The following CD207 variants were observed in gnomAD, a reference collection of about 807,000 sequenced individuals.
CD207 encodes the protein C-type lectin domain family 4 member K.
Under a neutral mutation model 31.6 loss-of-function variants are expected in CD207, and 28 were observed. The observed-to-expected ratio is 0.89, with a 90% CI of 0.66 to 1.21. The LOEUF is 1.21. CD207 is among the 50% of genes most tolerant of loss of function. CD207 has a pLI of 0.00. For missense variants in CD207, 388 were observed against 397.8 expected (o/e 0.98, Z 0.21); for synonymous variants, 168 against 153.9 (o/e 1.09, Z -0.68).
chr2:70,825,657 G>C (rs1056611330), downstream of CD207, among the ~76,000 whole-genome samples: 1 of 151,984 alleles, frequency 6.6e-6, no homozygotes, highest in Non-Finnish European at 1.5e-5. Context: ...TCCCACCTCA[G>C]ACTCTTGATT....
intron 3 of CD207, 86 bp downstream of exon 3, chr2:70,833,560 C>G: frequency 7.0e-7 from 1 of 1,423,890 alleles, no homozygotes; most frequent in Non-Finnish European, 9.3e-7. Context: ...CCTCCCCAAC[C>G]CACCAGCCCA....
At chr2:70,831,489 C>A (rs1220060374) in intron 5 of CD207, among the ~76,000 whole-genome samples, 2 of 152,202 alleles carry the variant, frequency 1.3e-5, no homozygotes, top group African/African-American at 2.4e-5. Context: ...AGGTAGAAGG[C>A]CTTGTTGCCA....
Position 70,831,822 on chromosome 2 carries a change from G to C in CD207, c.718-3C>G. 6.3e-7 allele frequency: 1 copy of C among 1,576,500 alleles called. No homozygotes were observed. The highest frequency in any genetic ancestry group is 8.7e-7 in the Non-Finnish European group (1 of 1,146,162). On this transcript the variant is annotated splice_polypyrimidine_tract_variant and splice_region_variant and intron_variant, in intron 4 of 5. Coordinates refer to ENST00000410009, the MANE Select transcript of CD207 (RefSeq NM_015717.5). ...CCCGCTGTTTTATACAGAAACTCCT[G>C]TAGGAAAGACAGGATAAGCAGAGGT...
At chr2:70,825,551 AT>A (rs71398932), downstream of CD207, among the ~76,000 whole-genome samples, 4 of 146,634 alleles carry the variant, frequency 2.7e-5, no homozygotes, top group South Asian at 2.1e-4. Flanking sequence ...TTTAAAAAAA[AT>A]TTTTGAGACA....
the CD207 span, among the ~76,000 whole-genome samples, chr2:70,825,176 A>T: frequency 2.0e-5 from 3 of 152,218 alleles, no homozygotes; most frequent in African/African-American, 4.8e-5. Flanking sequence ...GACAAATTCC[A>T]TTTAAGGGAC....
downstream of CD207, among the ~76,000 whole-genome samples, chr2:70,828,575 G>A (rs564960015): frequency 1.2e-3 from 190 of 152,314 alleles, no homozygotes; most frequent in African/African-American, 4.2e-3. Context: ...CTGGGAACGG[G>A]AGCAGCCGGA....
Position 70,835,500 on chromosome 2 carries a change from C to T in CD207, c.181G>A (p.Ala61Thr), listed in dbSNP as rs1484329235. The change falls in exon 2 of 6, where the codon GCC (alanine) becomes ACC (threonine). Residue 61 changes from alanine (A) to threonine (T), a missense_variant. By Grantham distance (58) the Ala-to-Thr change is moderately conservative (BLOSUM62 0). Transcript: ENST00000410009. ...LVLVASVLLQ[A>T]VLYPRFMGTI... is the part of the protein sequence containing the mutation. ...AAACATGAGGACTTACAAAGGACGG[C>T]CTGCAGCAGGACGGAGGCGACCAGG... 3.7e-6 allele frequency: 6 copies of T among 1,612,116 alleles called. No individual in the cohort carries two copies. The highest frequency in any genetic ancestry group is 2.2e-5 in the East Asian group (1 of 44,894).
At chr2:70,824,169 G>A in the CD207 span, among the ~76,000 whole-genome samples, 114 of 152,078 alleles carry the variant, frequency 7.5e-4, no homozygotes, top group African/African-American at 2.6e-3. Context: ...TTAATAGTAG[G>A]GACAGCTTCT....
At chr2:70,832,209 G>A (rs1485972031) in intron 4 of CD207, among the ~76,000 whole-genome samples, 1 of 152,202 alleles carries the variant, frequency 6.6e-6, no homozygotes, top group Non-Finnish European at 1.5e-5. Context: ...TTTCCTCTGA[G>A]GCAGGTGCCA....
At chr2:70,831,646 G>T in intron 5 of CD207, 55 bp downstream of exon 5, 1 of 1,051,584 alleles carries the variant, frequency 9.5e-7, no homozygotes, top group Non-Finnish European at 1.5e-6. Context: ...CTCCCTTCAT[G>T]CCCTGGCCAT....
At chr2:70,826,996 C>G (rs782671359), downstream of CD207, among the ~76,000 whole-genome samples, 5 of 152,226 alleles carry the variant, frequency 3.3e-5, no homozygotes, top group African/African-American at 4.8e-5. Flanking sequence ...CCTCCTCTGG[C>G]TTTGAAGGCC....
intron 4 of CD207, among the ~76,000 whole-genome samples, chr2:70,832,232 T>C (rs782012709): frequency 1.6e-4 from 24 of 152,170 alleles, no homozygotes; most frequent in Admixed American, 8.5e-4. Flanking sequence ...ACCATGCATG[T>C]TTCATCAAGT....
rs781901575 is a variant in CD207 at position 70,832,890 on chromosome 2, C to T, written c.717+10G>A. ...GCCCCCTTCACAGAGCCCATAGGCACAGCACTCACCTGCTCACTCTCTGAG... is the reference window on the plus strand; with the variant it reads ...GCCCCCTTCACAGAGCCCATAGGCATAGCACTCACCTGCTCACTCTCTGAG... On this transcript the variant is annotated intron_variant, in intron 4 of 5. Transcript: ENST00000410009. The T allele has an allele frequency of 6.2e-7, 1 of 1,609,854 alleles. No homozygotes were observed. Among genetic ancestry groups the T allele is most frequent in the South Asian group, 1.1e-5 (1 of 90,436 alleles).
downstream of CD207, among the ~76,000 whole-genome samples, chr2:70,826,333 C>T (rs1553398884): frequency 6.6e-6 from 1 of 151,910 alleles, no homozygotes; most frequent in African/African-American, 2.4e-5. Context: ...GACCGGTGGT[C>T]CCTGGGTCAC....
chr2:70,828,933 G>T (rs1264392679), downstream of CD207, among the ~76,000 whole-genome samples: 1 of 152,174 alleles, frequency 6.6e-6, no homozygotes, highest in African/African-American at 2.4e-5. Flanking sequence ...CCAAAGTGCT[G>T]GGATTATAGG....
At chr2:70,824,250 C>T in the CD207 span, among the ~76,000 whole-genome samples, 305 of 146,146 alleles carry the variant, frequency 2.1e-3, no homozygotes, top group African/African-American at 6.2e-3. Flanking sequence ...AATACAGCAA[C>T]AACAATTCAA....
chr2:70,825,201 C>T, the CD207 span, among the ~76,000 whole-genome samples: 2 of 152,146 alleles, frequency 1.3e-5, no homozygotes. Flanking sequence ...TACAAAGTAC[C>T]TGACCAGTGG....
chr2:70,834,393 T>C (rs1677554725), intron 2 of CD207, among the ~76,000 whole-genome samples: 2 of 152,016 alleles, frequency 1.3e-5, no homozygotes, highest in Non-Finnish European at 2.9e-5. Context: ...CAGAACTTGA[T>C]TCCCCCTAGA....
intron 4 of CD207, 150 bp from the exon 5 acceptor site, chr2:70,831,969 A>G: frequency 1.6e-6 from 1 of 628,742 alleles, no homozygotes; most frequent in Admixed American, 2.4e-5. Flanking sequence ...GCCCTTGCCC[A>G]GAGCCCAGAT....
Sources: allele counts gnomAD v4.1 joint callset (sites outside exome capture counted in the v4.1 genomes callset), GRCh38; gene constraint gnomAD v4.1.1; transcripts MANE v1.5; gene names NCBI Gene and HGNC (gene_info 2026-07-23, HGNC 2026-07-21).